Variants in ADGRL3 observed in about 807,000 individuals in gnomAD.
ADGRL3 encodes the protein adhesion G protein-coupled receptor L3, also known as calcium-independent alpha-latrotoxin receptor 3.
In ADGRL3, 62 loss-of-function variants were observed where a neutral mutation model predicts 153.5. The observed-to-expected ratio is 0.40, with a 90% CI of 0.33 to 0.50. The LOEUF (loss-of-function observed/expected upper bound fraction) is 0.50. ADGRL3 is among the 20% of genes least tolerant of loss of function. The pLI, the probability that ADGRL3 is intolerant of heterozygous loss-of-function variation, is 0.47. For synonymous variants in ADGRL3, 710 were observed against 672.5 expected (o/e 1.06, Z -0.86); for missense variants, 1,641 against 1,859.4 (o/e 0.88, Z 2.16).
intron 8 of ADGRL3, among the ~76,000 whole-genome samples, chr4:61,779,633 CAAAAAAAA>C (rs1174232668): frequency 4.8e-5 from 2 of 42,096 alleles, no homozygotes; most frequent in African/African-American, 2.0e-4. Flanking sequence ...GACTCTGTCT[CAAAAAAAA>C]AAAAAAAAAA....
chr4:61,557,719 G>A (rs1231573967), intron 4 of ADGRL3, among the ~76,000 whole-genome samples: 1 of 151,936 alleles, frequency 6.6e-6, no homozygotes, highest in Non-Finnish European at 1.5e-5. Flanking sequence ...TCCTCACAGG[G>A]TGTGCACTCT....
At chr4:61,938,599 C>A (rs907259462) in intron 15 of ADGRL3, among the ~76,000 whole-genome samples, 1 of 152,082 alleles carries the variant, frequency 6.6e-6, no homozygotes, top group African/African-American at 2.4e-5. Flanking sequence ...TCACTGCTGC[C>A]GCAAGTGAAC....
chr4:61,824,652 G>C (rs1008218867), intron 9 of ADGRL3, among the ~76,000 whole-genome samples: 2 of 152,080 alleles, frequency 1.3e-5, no homozygotes, highest in African/African-American at 4.8e-5. Flanking sequence ...ACCTCCAAAT[G>C]TAACAGTCTG....
intron 9 of ADGRL3, among the ~76,000 whole-genome samples, chr4:61,816,366 G>C (rs914138665): frequency 1.3e-5 from 2 of 152,162 alleles, no homozygotes; most frequent in African/African-American, 4.8e-5. Flanking sequence ...TCACGTTTTT[G>C]AAAATTGCCC....
intron 9 of ADGRL3, among the ~76,000 whole-genome samples, chr4:61,870,527 T>C (rs906683947): frequency 1.3e-5 from 2 of 152,148 alleles, no homozygotes; most frequent in South Asian, 2.1e-4. Flanking sequence ...TCCACAGAAC[T>C]GGAGAAATGA....
At chr4:61,295,732 G>T (rs923318324) in intron 1 of ADGRL3, among the ~76,000 whole-genome samples, 1 of 151,752 alleles carries the variant, frequency 6.6e-6, no homozygotes, top group African/African-American at 2.4e-5. Context: ...GCAGAGGTGT[G>T]AGGGTCACTT....
At chr4:61,239,484 G>A (rs1006652061) in intron 1 of ADGRL3, among the ~76,000 whole-genome samples, 2 of 151,972 alleles carry the variant, frequency 1.3e-5, no homozygotes, top group Non-Finnish European at 2.9e-5. Context: ...AAATGCATTT[G>A]CATTTGTTAC....
chr4:61,554,363 T>G (rs1336438826), intron 4 of ADGRL3, among the ~76,000 whole-genome samples: 1 of 151,804 alleles, frequency 6.6e-6, no homozygotes, highest in Admixed American at 6.6e-5. Flanking sequence ...CTAGCTAATT[T>G]TTTTGTATTT....
intron 17 of ADGRL3, among the ~76,000 whole-genome samples, chr4:61,972,233 A>G (rs866192132): frequency 4.6e-5 from 7 of 152,094 alleles, no homozygotes; most frequent in South Asian, 2.1e-4. Context: ...GTCCTTGCCC[A>G]TATCTATGTC....
At chr4:61,692,968 T>C (rs1237134230) in intron 6 of ADGRL3, among the ~76,000 whole-genome samples, 1 of 152,192 alleles carries the variant, frequency 6.6e-6, no homozygotes, top group East Asian at 1.9e-4. Flanking sequence ...TAGCAGCTCT[T>C]CATGTTCCTA....
At chr4:61,590,601 G>A (rs1229872308) in intron 5 of ADGRL3, among the ~76,000 whole-genome samples, 6 of 152,012 alleles carry the variant, frequency 3.9e-5, no homozygotes, top group Non-Finnish European at 2.9e-5. Flanking sequence ...TAAGTTAGTC[G>A]TGTTTTCTCC....
chr4:61,555,678 A>G (rs886729338), intron 4 of ADGRL3, among the ~76,000 whole-genome samples: 3 of 152,140 alleles, frequency 2.0e-5, no homozygotes, highest in Non-Finnish European at 4.4e-5. Context: ...GTTTATTAGG[A>G]AAGTAAAGGA....
intron 1 of ADGRL3, among the ~76,000 whole-genome samples, chr4:61,220,703 T>A (rs1745062668): frequency 6.6e-6 from 1 of 152,318 alleles, no homozygotes; most frequent in East Asian, 1.9e-4. Flanking sequence ...TTGCTTTCAA[T>A]CTTCAGGGAC....
At chr4:61,470,015 A>G (rs2152677664) in intron 2 of ADGRL3, among the ~76,000 whole-genome samples, 1 of 152,152 alleles carries the variant, frequency 6.6e-6, no homozygotes, top group East Asian at 1.9e-4. Context: ...TTATCATTAT[A>G]GATTTTACAC....
chr4:61,950,602 A>G (rs570684289), intron 17 of ADGRL3, among the ~76,000 whole-genome samples: 1 of 152,350 alleles, frequency 6.6e-6, no homozygotes, highest in South Asian at 2.1e-4. Context: ...GGAAACAAGA[A>G]TTGCAGTTCA....
intron 5 of ADGRL3, among the ~76,000 whole-genome samples, chr4:61,629,826 T>G (rs1055619960): frequency 6.7e-5 from 10 of 148,486 alleles, no homozygotes; most frequent in African/African-American, 2.5e-4. Flanking sequence ...TCACAGTCAT[T>G]TGCATTGAAC....
chr4:61,884,165 A>C (rs1037121004), intron 9 of ADGRL3, among the ~76,000 whole-genome samples: 1 of 152,232 alleles, frequency 6.6e-6, no homozygotes, highest in African/African-American at 2.4e-5. Flanking sequence ...GAGCTCTCTC[A>C]CAGGCATATA....
intron 5 of ADGRL3, among the ~76,000 whole-genome samples, chr4:61,593,004 C>T (rs2098975451): frequency 6.6e-6 from 1 of 152,032 alleles, no homozygotes; most frequent in Non-Finnish European, 1.5e-5. Context: ...TTCTGTGTAT[C>T]CATTGCATGT....
At chr4:61,962,044 G>T (rs563149113) in intron 17 of ADGRL3, among the ~76,000 whole-genome samples, 6 of 151,920 alleles carry the variant, frequency 3.9e-5, no homozygotes. Context: ...AAGTTGTTCA[G>T]CCTGGGCAAC....
Sources: gnomAD v4.1 joint callset for allele counts (sites outside exome capture counted in the v4.1 genomes callset) on GRCh38, gnomAD v4.1.1 for gene constraint, MANE v1.5 for transcripts, NCBI Gene and HGNC (gene_info 2026-07-23, HGNC 2026-07-21) for gene names.